Variants in RANBP2 observed in about 807,000 individuals in gnomAD.
The protein encoded by RANBP2 is E3 SUMO-protein ligase RanBP2.
RANBP2 carries 57 observed loss-of-function variants against 303.6 expected under a neutral mutation model. The ratio of observed to expected loss-of-function variants is 0.19; its 90% CI spans 0.15 to 0.23. The LOEUF (loss-of-function observed/expected upper bound fraction) is 0.23, where lower values mean the gene tolerates loss of function less well. Among genes scored for constraint, RANBP2 ranks in the 10% least tolerant of loss-of-function variants. RANBP2 has a pLI of 1.00. For synonymous variants in RANBP2, 1,167 were observed against 1,301.5 expected (o/e 0.90, Z 2.23); for missense variants, 3,138 against 3,780.8 (o/e 0.83, Z 4.46).
chr2:108,876,399 A>G, the RANBP2 span: 5 of 494,032 alleles, frequency 1.0e-5, no homozygotes, highest in African/African-American at 9.7e-5. Context: ...TGTAAAAATG[A>G]AATCTGTAGA....
the RANBP2 span, among the ~76,000 whole-genome samples, chr2:109,679,465 T>G: frequency 6.6e-6 from 1 of 152,220 alleles, no homozygotes; most frequent in Non-Finnish European, 1.5e-5. Flanking sequence ...CTATGAAAGT[T>G]GAACATGTAC....
chr2:109,103,212 A>G, the RANBP2 span, among the ~76,000 whole-genome samples: 1 of 152,246 alleles, frequency 6.6e-6, no homozygotes. Context: ...CCCTAACGTT[A>G]TAACTACCGT....
the RANBP2 span, among the ~76,000 whole-genome samples, chr2:109,602,901 C>CAAAA: frequency 3.4e-4 from 37 of 110,382 alleles, no homozygotes; most frequent in African/African-American, 1.1e-3. Flanking sequence ...GACCCTGTCT[C>CAAAA]AAAAAAAAAA....
chr2:109,365,020 C>G, the RANBP2 span, among the ~76,000 whole-genome samples: 1 of 151,602 alleles, frequency 6.6e-6, no homozygotes, highest in East Asian at 1.9e-4. Context: ...GACTCTGTCT[C>G]AAAAAGAAAC....
chr2:108,876,319 AACT>A, the RANBP2 span: 2 of 884,464 alleles, frequency 2.3e-6, no homozygotes, highest in African/African-American at 3.4e-5. Context: ...TTACCAAAGT[AACT>A]ACAATTCTAC....
chr2:109,364,479 G>C, the RANBP2 span, among the ~76,000 whole-genome samples: 1 of 152,206 alleles, frequency 6.6e-6, no homozygotes, highest in South Asian at 2.1e-4. Flanking sequence ...ATCTGGTTCT[G>C]ATGCTTGCTC....
At chr2:109,458,906 G>T in the RANBP2 span, among the ~76,000 whole-genome samples, 1 of 152,272 alleles carries the variant, frequency 6.6e-6, no homozygotes, top group Admixed American at 6.5e-5. Context: ...AAACAACTGG[G>T]TACCTGCCTA....
the RANBP2 span, among the ~76,000 whole-genome samples, chr2:108,875,731 C>T: frequency 2.6e-5 from 4 of 152,048 alleles, no homozygotes. Context: ...TGGTGATGTG[C>T]GCCTGTAGTC....
At chr2:109,382,428 C>T in the RANBP2 span, among the ~76,000 whole-genome samples, 2 of 152,160 alleles carry the variant, frequency 1.3e-5, no homozygotes, top group African/African-American at 4.8e-5. Context: ...CCACCCACCT[C>T]CCTCAGCAGC....
At chr2:109,316,387 T>A in the RANBP2 span, among the ~76,000 whole-genome samples, 1 of 152,302 alleles carries the variant, frequency 6.6e-6, no homozygotes, top group South Asian at 2.1e-4. Context: ...CCTGGTGCCA[T>A]GTTTCTCCCT....
At chr2:109,549,650 C>T in the RANBP2 span, among the ~76,000 whole-genome samples, 20 of 152,290 alleles carry the variant, frequency 1.3e-4, no homozygotes, top group South Asian at 2.1e-4. Flanking sequence ...CAGTATGGTA[C>T]GATAGTCCCC....
chr2:109,607,538 C>T, the RANBP2 span, among the ~76,000 whole-genome samples: 31 of 152,230 alleles, frequency 2.0e-4, no homozygotes, highest in Admixed American at 1.5e-3. Context: ...TCAACCTTAT[C>T]TGAAAAATGT....
At chr2:109,558,661 C>T in the RANBP2 span, among the ~76,000 whole-genome samples, 1 of 152,132 alleles carries the variant, frequency 6.6e-6, no homozygotes, top group South Asian at 2.1e-4. Flanking sequence ...AGGATACCCA[C>T]CATGACTCAG....
At chr2:109,629,333 ATATATATATATATATATATATATTTTTTT>A in the RANBP2 span, among the ~76,000 whole-genome samples, 11 of 10,586 alleles carry the variant, frequency 1.0e-3, 1 homozygote, top group African/African-American at 2.6e-3. Flanking sequence ...ATATATATAT[ATATATATATATATATATATATATTTTTTT>A]TTTTTTTTTC....
the RANBP2 span, among the ~76,000 whole-genome samples, chr2:108,866,920 T>G: frequency 6.6e-6 from 1 of 152,214 alleles, no homozygotes; most frequent in South Asian, 2.1e-4. Flanking sequence ...TATTACCTTA[T>G]TATAAATTCC....
chr2:109,372,911 T>C, the RANBP2 span, among the ~76,000 whole-genome samples: 1 of 152,252 alleles, frequency 6.6e-6, no homozygotes, highest in Admixed American at 6.5e-5. Context: ...TTAAAACATC[T>C]GTCAATTCCC....
chr2:108,735,227 G>A (rs1695475681), intron 4 of RANBP2, among the ~76,000 whole-genome samples: 1 of 152,136 alleles, frequency 6.6e-6, no homozygotes, highest in African/African-American at 2.4e-5. Flanking sequence ...GGATTGACTG[G>A]GGAGGTCTAG....
At chr2:109,492,547 A>G in the RANBP2 span, among the ~76,000 whole-genome samples, 134 of 152,274 alleles carry the variant, frequency 8.8e-4, no homozygotes, top group African/African-American at 2.9e-3. Context: ...CCTGCCTTCT[A>G]TGTTTCCCCA....
chr2:109,387,823 C>T, the RANBP2 span, among the ~76,000 whole-genome samples: 1 of 152,000 alleles, frequency 6.6e-6, no homozygotes, highest in African/African-American at 2.4e-5. Context: ...TGCCCAATTC[C>T]ACCTTCTTCT....
Sources: gnomAD v4.1 joint callset for allele counts (sites outside exome capture counted in the v4.1 genomes callset) on GRCh38, gnomAD v4.1.1 for gene constraint, MANE v1.5 for transcripts, NCBI Gene and HGNC (gene_info 2026-07-23, HGNC 2026-07-21) for gene names.